DNAH8: variants seen among roughly 807,000 people sequenced by gnomAD.
The protein encoded by DNAH8 is axonemal beta dynein heavy chain 8.
A neutral mutation model predicts 562.1 loss-of-function variants in DNAH8; 382 were observed. The observed-to-expected ratio is 0.68, with a 90% CI of 0.63 to 0.74. The LOEUF is 0.74. DNAH8 is among the 30% of genes least tolerant of loss of function. The pLI is 0.00. For missense variants in DNAH8, 5,203 were observed against 5,620.4 expected (o/e 0.93, Z 2.37); for synonymous variants, 1,881 against 1,919.4 (o/e 0.98, Z 0.52).
rs758549197 is a variant in DNAH8, at chr6:38,873,395, C to T, written c.7620+19C>T. The T allele has an allele frequency of 9.6e-6, 15 of 1,565,116 alleles. No homozygotes were observed. Among genetic ancestry groups the T allele is most frequent in the Non-Finnish European group, 1.3e-5 (15 of 1,160,982 alleles). ...TGTGCAAGTAAGATTTTTTTTTGTA[C>T]ATTTACTACTTCGATTTTGATTTTT... On this transcript the variant is annotated intron_variant, in intron 52 of 92. Coordinates refer to ENST00000327475, the MANE Select transcript of DNAH8 (RefSeq NM_001206927.2).
At chr6:38,718,053 A>G (rs1000848131) in intron 1 of DNAH8, among the ~76,000 whole-genome samples, 1 of 152,198 alleles carries the variant, frequency 6.6e-6, no homozygotes, top group African/African-American at 2.4e-5. Context: ...ATCTGCATAT[A>G]TAGCTCTACC....
intron 12 of DNAH8, among the ~76,000 whole-genome samples, chr6:38,773,164 A>C (rs1767744000): frequency 1.3e-5 from 2 of 151,846 alleles, no homozygotes; most frequent in African/African-American, 2.4e-5. Flanking sequence ...TACTAGCACA[A>C]GTCAAATTAA....
chr6:38,861,688 C>G (rs879828609), intron 43 of DNAH8, among the ~76,000 whole-genome samples: 1 of 152,142 alleles, frequency 6.6e-6, no homozygotes, highest in Non-Finnish European at 1.5e-5. Context: ...CATGCCACCA[C>G]GCCTGGCTAA....
chr6:38,829,506 G>A (rs1054559046), intron 30 of DNAH8, among the ~76,000 whole-genome samples: 6 of 152,090 alleles, frequency 3.9e-5, no homozygotes, highest in Non-Finnish European at 8.8e-5. Flanking sequence ...GAGTTAATTT[G>A]TGCATATGGT....
intron 4 of DNAH8, 120 bp from the exon 5 acceptor site, chr6:38,734,354 C>G: frequency 2.4e-6 from 2 of 834,220 alleles, no homozygotes; most frequent in African/African-American, 2.3e-5. Flanking sequence ...TATTCTATGA[C>G]CGTATTGAAA....
chr6:38,992,824 A>AT (rs1764886370), intron 88 of DNAH8, among the ~76,000 whole-genome samples: 1 of 151,960 alleles, frequency 6.6e-6, no homozygotes. Context: ...AAGACAAACC[A>AT]TTTTTTCCTT....
At chr6:39,006,782 C>T (rs544497326) in intron 88 of DNAH8, among the ~76,000 whole-genome samples, 8 of 152,262 alleles carry the variant, frequency 5.3e-5, no homozygotes, top group African/African-American at 1.9e-4. Flanking sequence ...GATTTTTCCC[C>T]CACTTAGTGC....
At chr6:38,880,485 A>G (rs1028750982) in intron 53 of DNAH8, among the ~76,000 whole-genome samples, 1 of 152,146 alleles carries the variant, frequency 6.6e-6, no homozygotes, top group Non-Finnish European at 1.5e-5. Flanking sequence ...AAAAGTCACT[A>G]TTAAGAAAAT....
intron 80 of DNAH8, 38 bp downstream of exon 80, chr6:38,945,626 C>T: frequency 6.2e-7 from 1 of 1,611,640 alleles, no homozygotes; most frequent in Non-Finnish European, 8.5e-7. Context: ...TGCAGATCTG[C>T]AAACCCAAAC....
intron 45 of DNAH8, 21 bp from the exon 46 acceptor site, chr6:38,866,570 T>G (rs1777045751): frequency 6.5e-7 from 1 of 1,541,128 alleles, no homozygotes; most frequent in Non-Finnish European, 8.8e-7. Context: ...AATTAAAAAT[T>G]AAACATATTT....
chr6:39,026,056 T>A (rs574233710), intron 91 of DNAH8, among the ~76,000 whole-genome samples: 6 of 152,346 alleles, frequency 3.9e-5, no homozygotes, highest in Admixed American at 3.9e-4. Flanking sequence ...AAATTGAAAG[T>A]CAGGTTTTCT....
Position 38,805,580 on chromosome 6 carries a change from A to T in DNAH8, c.3134A>T (p.Glu1045Val). The T allele has an allele frequency of 6.4e-7, 1 of 1,557,836 alleles. No individual in the cohort carries two copies. The highest frequency in any genetic ancestry group is 8.9e-7 in the Non-Finnish European group (1 of 1,129,442). The change falls in exon 23 of 93, where the codon GAA (glutamate) becomes GTA (valine). Residue 1045 changes from glutamate to valine, a missense_variant. Glu to Val is a moderately radical substitution (Grantham distance 121). Coordinates refer to ENST00000327475, the MANE Select transcript of DNAH8 (RefSeq NM_001206927.2). ...IVNEFDTHDK[E>V]DEFKKECKEV... ...AATGAGTTTGATACTCATGATAAAG[A>T]AGATGAATTTAAAAAGGTATTTATT...
chr6:38,921,539 T>C, intron 71 of DNAH8, 33 bp downstream of exon 71: 1 of 1,601,418 alleles, frequency 6.2e-7, no homozygotes, highest in South Asian at 1.1e-5. Flanking sequence ...CCCAAAATGG[T>C]GTACTGAAAC....
intron 91 of DNAH8, among the ~76,000 whole-genome samples, chr6:39,018,255 C>T (rs1192155977): frequency 6.6e-6 from 1 of 152,202 alleles, no homozygotes; most frequent in African/African-American, 2.4e-5. Context: ...GTTTACCTTC[C>T]TTAGCAACCA....
intron 8 of DNAH8, among the ~76,000 whole-genome samples, chr6:38,747,510 C>T (rs1017925683): frequency 1.3e-5 from 2 of 151,670 alleles, no homozygotes; most frequent in African/African-American, 4.9e-5. Flanking sequence ...CCTCAGCCTC[C>T]TGAGTAGCTG....
intron 91 of DNAH8, among the ~76,000 whole-genome samples, chr6:39,020,991 G>T (rs1385571529): frequency 6.6e-6 from 1 of 152,186 alleles, no homozygotes; most frequent in African/African-American, 2.4e-5. Context: ...GTGTGCATGT[G>T]TCTTTATAGC....
At chr6:38,988,171 A>G (rs1764534122) in intron 87 of DNAH8, among the ~76,000 whole-genome samples, 1 of 152,148 alleles carries the variant, frequency 6.6e-6, no homozygotes. Context: ...TGTTCTCAGC[A>G]TCTTACAGAG....
chr6:38,788,957 G>A (rs1678669), intron 18 of DNAH8, among the ~76,000 whole-genome samples: 132,891 of 152,226 alleles, frequency 0.87, 58,094 homozygotes, highest in Admixed American at 0.9. Context: ...CTGGAGTAAC[G>A]TTGGTATTGT....
At chr6:38,834,445 A>G in intron 31 of DNAH8, 134 bp from the exon 32 acceptor site, 1 of 553,798 alleles carries the variant, frequency 1.8e-6, no homozygotes, top group Non-Finnish European at 3.1e-6. Context: ...TAAAAGCTTC[A>G]AGTACAGGAC....
Sources: gnomAD v4.1 joint callset for allele counts (sites outside exome capture counted in the v4.1 genomes callset) on GRCh38, gnomAD v4.1.1 for gene constraint, MANE v1.5 for transcripts, NCBI Gene and HGNC (gene_info 2026-07-23, HGNC 2026-07-21) for gene names.